Variants in PGBD1 observed in about 807,000 individuals in gnomAD.
PGBD1 encodes piggyBac transposable element derived 1, also known as piggyBac transposable element-derived protein 1.
Under a neutral mutation model 34.7 loss-of-function variants are expected in PGBD1, and 25 were observed. The observed-to-expected ratio is 0.72, with a 90% confidence interval of 0.52 to 1.00. PGBD1 has a LOEUF of 1.00. Among genes scored for constraint, PGBD1 ranks in the 50% least tolerant of loss-of-function variants. PGBD1 has a pLI of 0.00. For synonymous variants in PGBD1, 292 were observed against 335.7 expected, an observed-to-expected ratio of 0.87 and a Z score of 1.42; for missense variants, 830 against 959.4, an observed-to-expected ratio of 0.87 and a Z score of 1.78.
At chr6:28,292,234 G>T (rs1057335847) in intron 4 of PGBD1, among the ~76,000 whole-genome samples, 2 of 152,102 alleles carry the variant, frequency 1.3e-5, no homozygotes, top group African/African-American at 4.8e-5. Context: ...AAGTAAAGTT[G>T]CAGGATAAAA....
At chr6:28,295,750 A>G (rs1311817655) in intron 4 of PGBD1, among the ~76,000 whole-genome samples, 3 of 152,238 alleles carry the variant, frequency 2.0e-5, no homozygotes, top group Admixed American at 1.3e-4. Flanking sequence ...TCGGAAGCCA[A>G]GAAATTTCTG....
In PGBD1 at chr6:28,302,059, C is replaced by T; in HGVS notation, c.2205C>T (p.Cys735=). 1 of 1,614,026 alleles carries T rather than the reference C, an allele frequency of 6.2e-7. No homozygotes were observed. The highest frequency in any genetic ancestry group is 1.3e-5 in the African/African-American group (1 of 74,980). ...CCATAGTAAAAGTGTATGATGAATGCAAGGAAGGTGTAGCTAAAATGGATC... is the reference window on the plus strand; with the variant it reads ...CCATAGTAAAAGTGTATGATGAATGTAAGGAAGGTGTAGCTAAAATGGATC... ...QPSIVKVYDE[C]KEGVAKMDQI... The change falls in exon 7 of 7, where the codon TGC becomes TGT. Residue 735 remains cysteine (C), a synonymous_variant. Coordinates refer to ENST00000682144, the MANE Select transcript of PGBD1 (RefSeq NM_032507.4).
At chr6:28,288,594 A>G (rs1223280258) in intron 4 of PGBD1, among the ~76,000 whole-genome samples, 1 of 152,102 alleles carries the variant, frequency 6.6e-6, no homozygotes, top group Non-Finnish European at 1.5e-5. Context: ...AGTGGCTCTC[A>G]ACTGTAATCC....
In PGBD1 at chr6:28,301,651, T is replaced by C. The variant is rs772136661; in HGVS notation, c.1797T>C (p.Asp599=). 3 of 1,614,164 alleles carry C rather than the reference T, an allele frequency of 1.9e-6. No individual in the cohort carries two copies. Among genetic ancestry groups the C allele is most frequent in the East Asian group, 4.5e-5 (2 of 44,882 alleles). Residue 599 remains aspartate, a synonymous_variant, in exon 7 of 7, where the codon GAT becomes GAC. Transcript: ENST00000682144. ...ESTMKVDEDP[D]LGLGGNLVMN... ...CTATGAAGGTAGATGAGGATCCTGA[T>C]CTTGGGTTAGGTGGAAATCTAGTGA...
intron 4 of PGBD1, among the ~76,000 whole-genome samples, chr6:28,293,218 G>A (rs1762522373): frequency 6.6e-6 from 1 of 152,156 alleles, no homozygotes; most frequent in African/African-American, 2.4e-5. Flanking sequence ...TGGGATTACA[G>A]GCATGAGCCA....
At chr6:28,295,944 T>C (rs9461448) in intron 4 of PGBD1, among the ~76,000 whole-genome samples, 1 of 152,138 alleles carries the variant, frequency 6.6e-6, no homozygotes, top group Non-Finnish European at 1.5e-5. Context: ...TGAAACCCCC[T>C]CCTTGTCAAA....
At chr6:28,287,250 C>T in intron 4 of PGBD1, 82 bp downstream of exon 4, 2 of 1,221,878 alleles carry the variant, frequency 1.6e-6, no homozygotes, top group South Asian at 1.2e-5. Flanking sequence ...TCTCTTGGCT[C>T]ACACTCATCA....
intron 6 of PGBD1, 85 bp downstream of exon 6, chr6:28,298,076 C>A: frequency 1.1e-6 from 1 of 908,026 alleles, no homozygotes; most frequent in Non-Finnish European, 1.8e-6. Flanking sequence ...GGTCAAAGGC[C>A]TGCTTCTCTG....
chr6:28,291,453 A>C (rs1006878698), intron 4 of PGBD1, among the ~76,000 whole-genome samples: 3 of 151,936 alleles, frequency 2.0e-5, no homozygotes, highest in African/African-American at 7.3e-5. Context: ...TGTAATAAAA[A>C]GTCTTCCATC....
chr6:28,283,248 T>TG (rs1762181170), intron 1 of PGBD1, among the ~76,000 whole-genome samples: 1 of 152,178 alleles, frequency 6.6e-6, no homozygotes, highest in Admixed American at 6.5e-5. Flanking sequence ...TGTATTCCAC[T>TG]GGTCAAAGCA....
intron 4 of PGBD1, among the ~76,000 whole-genome samples, chr6:28,292,925 CT>C (rs1299179083): frequency 6.6e-6 from 1 of 151,942 alleles, no homozygotes; most frequent in Non-Finnish European, 1.5e-5. Flanking sequence ...TCCCATGGAG[CT>C]TTTTTTCTTT....
At chr6:28,283,625 T>A in intron 1 of PGBD1, 151 bp from the exon 2 acceptor site, 1 of 616,154 alleles carries the variant, frequency 1.6e-6, no homozygotes, top group Non-Finnish European at 2.6e-6. Flanking sequence ...CTGATTCATT[T>A]CACTGATAAT....
At position 28,300,764 on chromosome 6, in the gene PGBD1, A is replaced by C. The variant is rs1296421199; in HGVS notation, c.910A>C (p.Thr304Pro). The change falls in exon 7 of 7, where the codon ACT (threonine) becomes CCT (proline). Residue 304 changes from threonine (T) to proline (P), a missense_variant. Thr to Pro is a conservative substitution (Grantham distance 38, BLOSUM62 -1). Around this residue, in one of 3 missense-constraint regions of PGBD1, gnomAD observed 457 missense variants for 515.4 expected, o/e 0.89. Transcript: ENST00000682144. The surrounding 1 kb of genome is among the most constrained non-coding windows in gnomAD (Gnocchi z 4.0). ...PQIPCSTPIA[T>P]ERTVAHLNTL... is the part of the protein sequence containing the mutation. Reference sequence around the variant, plus strand: ...GATTCCTTGTAGTACTCCTATTGCTACTGAAAGGACAGTTGCACATTTGAA... The same window carrying C: ...GATTCCTTGTAGTACTCCTATTGCTCCTGAAAGGACAGTTGCACATTTGAA... 1 of 1,613,838 alleles carries C rather than the reference A, an allele frequency of 6.2e-7. No homozygotes were observed. Among genetic ancestry groups the C allele is most frequent in the East Asian group, 2.2e-5 (1 of 44,890 alleles).
Position 28,300,561 on chromosome 6 carries a change from G to A in PGBD1, c.870-163G>A, listed in dbSNP as rs1762794430. 2.0e-5 allele frequency among the ~76,000 whole-genome samples: 3 copies of A among 152,102 alleles called. No homozygotes were observed. ...TGAGAGGTGGAGAGTGGCTAGAAAT[G>A]TTTAATCTAGCCAAAGTCCTCCCCA... On this transcript the variant is annotated intron_variant, in intron 6 of 6. Coordinates refer to ENST00000682144, the MANE Select transcript of PGBD1 (RefSeq NM_032507.4). This position sits in a 1 kb window ranked among gnomAD's most constrained non-coding sequence, Gnocchi z 4.0.
chr6:28,291,734 C>A (rs1762459870), intron 4 of PGBD1, among the ~76,000 whole-genome samples: 2 of 152,090 alleles, frequency 1.3e-5, no homozygotes, highest in African/African-American at 4.8e-5. Flanking sequence ...TTCAACAACA[C>A]ATTAAAAAGA....
chr6:28,301,933 CA>C lies in PGBD1; in HGVS notation c.2080del (p.Ile694LeufsTer11). The C allele has an allele frequency of 6.2e-7, 1 of 1,614,112 alleles. No individual in the cohort carries two copies. ...IILCRWYGDG[I>X]ISLCSNAVGI... is the part of the protein sequence containing the mutation. ...TTTTGTGTCGTTGGTATGGGGATGG[CA>C]TTATCAGTCTGTGCTCCAATGCTGT... is the stretch of plus-strand genomic sequence containing the variant. On this transcript the variant is annotated frameshift_variant, in exon 7 of 7. Coordinates refer to ENST00000682144, the MANE Select transcript of PGBD1 (RefSeq NM_032507.4). LOFTEE classifies it low-confidence loss of function (END_TRUNC).
At chr6:28,283,187 G>A (rs1762178648) in intron 1 of PGBD1, among the ~76,000 whole-genome samples, 1 of 152,208 alleles carries the variant, frequency 6.6e-6, no homozygotes, top group Non-Finnish European at 1.5e-5. Context: ...CAGTCTTATG[G>A]CAGTGAGCCA....
chr6:28,288,912 T>G (rs1762367304), intron 4 of PGBD1, among the ~76,000 whole-genome samples: 1 of 151,990 alleles, frequency 6.6e-6, no homozygotes, highest in South Asian at 2.1e-4. Flanking sequence ...CGCTTGAACC[T>G]GGGAGATGGA....
chr6:28,284,920 C>CTA (rs1422163508), intron 2 of PGBD1, among the ~76,000 whole-genome samples: 12 of 152,148 alleles, frequency 7.9e-5, no homozygotes, highest in African/African-American at 2.9e-4. Flanking sequence ...ATCATATAAC[C>CTA]TTAGTCCTTA....
Sources: gnomAD v4.1 joint callset for allele counts (sites outside exome capture counted in the v4.1 genomes callset) on GRCh38, gnomAD v4.1.1 for gene constraint, gnomAD v4.1.1 regional missense constraint, Gnocchi (gnomAD v3.1) non-coding constraint, MANE v1.5 for transcripts, NCBI Gene and HGNC (gene_info 2026-07-23, HGNC 2026-07-21) for gene names.